The following IRAG2 variants were observed in gnomAD, a reference collection of about 807,000 sequenced individuals.
IRAG2 encodes lymphoid restricted membrane protein.
Under a neutral mutation model 69.9 loss-of-function variants are expected in IRAG2, and 45 were observed. That is an observed-to-expected ratio of 0.64 (90% CI 0.51 to 0.83). The LOEUF is 0.83. Ranked by LOEUF, IRAG2 falls within the 40% of genes least tolerant of loss-of-function variation. IRAG2 has a pLI of 0.00. For missense variants in IRAG2, 520 were observed against 587.0 expected, an observed-to-expected ratio of 0.89 and a Z score of 1.18; for synonymous variants, 193 against 202.4, an observed-to-expected ratio of 0.95 and a Z score of 0.40.
intron 6 of IRAG2, among the ~76,000 whole-genome samples, chr12:25,077,850 T>C (rs544556189): frequency 2.3e-4 from 35 of 152,280 alleles, no homozygotes; most frequent in African/African-American, 8.2e-4. Flanking sequence ...CCAACATCAT[T>C]GATGCAGAAG....
At chr12:25,076,476 A>G in intron 6 of IRAG2, 1 of 984,060 alleles carries the variant, frequency 1.0e-6, no homozygotes, top group Non-Finnish European at 1.2e-6. Context: ...TTTTTACTGT[A>G]TTTATTACTT....
intron 6 of IRAG2, among the ~76,000 whole-genome samples, chr12:25,072,353 G>A (rs1946396808): frequency 6.6e-6 from 1 of 152,120 alleles, no homozygotes; most frequent in East Asian, 1.9e-4. Context: ...TAGTCTGTTG[G>A]CTGCACCTTC....
chr12:25,056,116 C>T (rs976830995), intron 1 of IRAG2, among the ~76,000 whole-genome samples: 18 of 152,146 alleles, frequency 1.2e-4, no homozygotes, highest in Non-Finnish European at 1.5e-5. Flanking sequence ...TCACTGCAAA[C>T]ACTCTTTTAG....
chr12:25,076,474 G>C, intron 6 of IRAG2: 1 of 983,698 alleles, frequency 1.0e-6, no homozygotes. Context: ...TATTTTTACT[G>C]TATTTATTAC....
intron 15 of IRAG2, among the ~76,000 whole-genome samples, chr12:25,099,283 T>G (rs2140226447): frequency 6.6e-6 from 1 of 152,314 alleles, no homozygotes; most frequent in East Asian, 1.9e-4. Flanking sequence ...CCACCAAACC[T>G]ACCCCATGCA....
intron 8 of IRAG2, among the ~76,000 whole-genome samples, chr12:25,026,282 C>T (rs4604980): frequency 0.18 from 26,869 of 152,132 alleles, 2,976 homozygotes; most frequent in South Asian, 0.36. Context: ...TCTGTTCATG[C>T]TTTCTTTAAG....
intron 1 of IRAG2, among the ~76,000 whole-genome samples, chr12:25,057,252 A>ATTTTTTTTTT (rs368710047): frequency 3.4e-5 from 3 of 89,052 alleles, no homozygotes; most frequent in Non-Finnish European, 5.9e-5. Context: ...AGGTAGACAG[A>ATTTTTTTTTT]TTTTTTTTTT....
At chr12:25,004,935 T>A in intron 1 of IRAG2, 1 of 1,214,712 alleles carries the variant, frequency 8.2e-7, no homozygotes, top group Non-Finnish European at 1.0e-6. Flanking sequence ...CATCTTTTAA[T>A]GTTTGTCCTT....
At chr12:25,056,341 G>A (rs1945258095) in intron 1 of IRAG2, among the ~76,000 whole-genome samples, 1 of 152,118 alleles carries the variant, frequency 6.6e-6, no homozygotes, top group African/African-American at 2.4e-5. Flanking sequence ...GCCAAATACA[G>A]CTTGCTCAAC....
At chr12:25,066,709 C>T (rs1946004942) in intron 5 of IRAG2, among the ~76,000 whole-genome samples, 197 bp downstream of exon 5, 1 of 151,032 alleles carries the variant, frequency 6.6e-6, no homozygotes, top group Non-Finnish European at 1.5e-5. Flanking sequence ...CTTGCCCACA[C>T]TGGAGTGCAG....
At chr12:25,064,331 A>G (rs907661257) in intron 4 of IRAG2, among the ~76,000 whole-genome samples, 10 of 152,250 alleles carry the variant, frequency 6.6e-5, no homozygotes, top group Non-Finnish European at 8.8e-5. Flanking sequence ...AACAAAAAAA[A>G]TAAGAAGAGA....
intron 6 of IRAG2, among the ~76,000 whole-genome samples, chr12:25,077,376 T>C (rs1946889139): frequency 7.6e-6 from 1 of 131,480 alleles, no homozygotes; most frequent in Non-Finnish European, 1.6e-5. Flanking sequence ...ATATGAAATA[T>C]ATATATGATA....
chr12:25,003,262 G>T (rs757433491), upstream of IRAG2, among the ~76,000 whole-genome samples: 1 of 152,142 alleles, frequency 6.6e-6, no homozygotes, highest in African/African-American at 2.4e-5. Context: ...TTTGAAATCA[G>T]TAATTCCATA....
chr12:25,049,746 G>A (rs889846888), upstream of IRAG2, among the ~76,000 whole-genome samples: 1 of 152,066 alleles, frequency 6.6e-6, no homozygotes, highest in Admixed American at 6.6e-5. Flanking sequence ...CAGCACTTTG[G>A]GAGGCTGAGG....
chr12:25,063,861 G>A (rs1284037294), intron 4 of IRAG2, 45 bp downstream of exon 4: 7 of 398,800 alleles, frequency 1.8e-5, no homozygotes, highest in Non-Finnish European at 3.1e-5. Context: ...TAGGGGTAGA[G>A]TTCTATTTGA....
At chr12:25,006,131 C>T (rs1220930648) in intron 2 of IRAG2, 1 of 152,122 alleles carries the variant, frequency 6.6e-6, no homozygotes, top group African/African-American at 2.4e-5. Flanking sequence ...AAAAAATACT[C>T]ATCATTACTA....
intron 6 of IRAG2, among the ~76,000 whole-genome samples, chr12:25,077,977 T>C (rs112002146): frequency 3.3e-5 from 5 of 152,328 alleles, no homozygotes; most frequent in African/African-American, 1.2e-4. Flanking sequence ...AATTGGGAAG[T>C]CTTTTCCTCT....
chr12:25,078,671 T>C (rs1245026547), intron 6 of IRAG2, among the ~76,000 whole-genome samples: 2 of 152,234 alleles, frequency 1.3e-5, no homozygotes, highest in East Asian at 1.9e-4. Context: ...AAGAGGTTCA[T>C]AGAAACTTTC....
chr12:25,011,271 T>G (rs56077156), intron 2 of IRAG2: 68,607 of 1,059,306 alleles, frequency 0.065, 2,431 homozygotes, highest in East Asian at 0.075. Flanking sequence ...TTATATATCA[T>G]GTTTCTAGGA....
Sources: gnomAD v4.1 joint callset for allele counts (sites outside exome capture counted in the v4.1 genomes callset) on GRCh38, gnomAD v4.1.1 for gene constraint, MANE v1.5 for transcripts, NCBI Gene and HGNC (gene_info 2026-07-23, HGNC 2026-07-21) for gene names.